The following GCNT2 variants were observed in gnomAD, a reference collection of about 807,000 sequenced individuals.
GCNT2 encodes the protein N-acetyllactosaminide beta-1,6-N-acetylglucosaminyl-transferase.
GCNT2 carries 34 observed loss-of-function variants against 34.2 expected under a neutral mutation model. That is an observed-to-expected ratio of 1.00 (90% confidence interval 0.76 to 1.32). The LOEUF (loss-of-function observed/expected upper bound fraction) is 1.32, where lower values mean the gene tolerates loss of function less well. GCNT2 is among the 40% of genes most tolerant of loss of function. The pLI, the probability that GCNT2 is intolerant of heterozygous loss-of-function variation, is 0.00. For missense variants in GCNT2, 584 were observed against 489.4 expected (o/e 1.19, Z -1.82); for synonymous variants, 212 against 188.0 (o/e 1.13, Z -1.04).
chr6:10,625,546 G>C lies in GCNT2; in HGVS notation c.1019-871G>C, dbSNP rs145752497. ...AAAAAAAAAAAATTTCAATATTGAC[G>C]TGTTACATCACTGAGGTTTATCACA... is the stretch of plus-strand genomic sequence containing the variant. On this transcript the variant is annotated intron_variant, in intron 4 of 4. Coordinates refer to ENST00000495262, the MANE Select transcript of GCNT2 (RefSeq NM_145649.5). Among the ~76,000 whole-genome samples, 45 of 151,984 alleles carry C rather than the reference G, an allele frequency of 3.0e-4. No homozygotes were observed. In the East Asian group the frequency reaches 8.5e-3, roughly 29 times the overall value.
chr6:10,586,915 G>T (rs1764378597), intron 3 of GCNT2: 1 of 1,605,296 alleles, frequency 6.2e-7, no homozygotes, highest in Non-Finnish European at 8.5e-7. Context: ...AGGGTTTCAG[G>T]TAGGTACTAA....
At chr6:10,616,371 G>A (rs1405685046) in intron 3 of GCNT2, among the ~76,000 whole-genome samples, 1 of 152,188 alleles carries the variant, frequency 6.6e-6, no homozygotes, top group Non-Finnish European at 1.5e-5. Flanking sequence ...CACTTCCACA[G>A]TGTGGAAAGC....
Position 10,541,826 on chromosome 6 carries a change from GTTGGTC to G in GCNT2, c.925+11994_925+11999del, listed in dbSNP as rs1325877882. On this transcript the variant is annotated intron_variant, in intron 3 of 4. Transcript: ENST00000495262. ...TGGTTATCTTTGAGGACCCAGTTGA[GTTGGTC>G]TTGCTCCTAAATCATTGACAAGCCC... 3.3e-5 allele frequency among the ~76,000 whole-genome samples: 5 copies of G among 152,156 alleles called. No individual in the cohort carries two copies. The South Asian group carries it at 6.2e-4, about 19-fold the overall frequency.
intron 3 of GCNT2, among the ~76,000 whole-genome samples, chr6:10,539,025 G>T (rs1214953474): frequency 6.6e-6 from 1 of 152,042 alleles, no homozygotes; most frequent in Non-Finnish European, 1.5e-5. Flanking sequence ...CAATTAGAAT[G>T]CATTTAAGAT....
At chr6:10,624,719 G>A (rs1254175221) in intron 4 of GCNT2, among the ~76,000 whole-genome samples, 1 of 152,204 alleles carries the variant, frequency 6.6e-6, no homozygotes, top group Non-Finnish European at 1.5e-5. Flanking sequence ...TCTTAGAGCT[G>A]TGTGGACACC....
intron 1 of GCNT2, among the ~76,000 whole-genome samples, chr6:10,523,058 G>GT (rs1446882614): frequency 6.6e-6 from 1 of 152,202 alleles, no homozygotes; most frequent in African/African-American, 2.4e-5. Flanking sequence ...ACTCCGCCTA[G>GT]TAACTGAGCT....
chr6:10,544,511 A>AGAG (rs1762179109), intron 3 of GCNT2, among the ~76,000 whole-genome samples: 1 of 129,430 alleles, frequency 7.7e-6, no homozygotes. Context: ...AGGCTGAGGC[A>AGAG]GAGAATTGCT....
At chr6:10,594,523 C>T (rs1340770768) in intron 3 of GCNT2, among the ~76,000 whole-genome samples, 2 of 152,108 alleles carry the variant, frequency 1.3e-5, no homozygotes, top group African/African-American at 4.8e-5. Flanking sequence ...TGTACTCTGA[C>T]CTAAAACTCT....
intron 3 of GCNT2, chr6:10,557,859 T>G: frequency 6.5e-6 from 1 of 153,184 alleles, no homozygotes; most frequent in East Asian, 1.9e-4. Flanking sequence ...TTCCATGCTA[T>G]CACTTGGTGG....
chr6:10,584,168 C>T (rs1764240164), intron 3 of GCNT2, among the ~76,000 whole-genome samples: 1 of 151,866 alleles, frequency 6.6e-6, no homozygotes, highest in Non-Finnish European at 1.5e-5. Flanking sequence ...TGTGGTGGGG[C>T]TATAGGGTGA....
At chr6:10,578,445 CTT>C (rs1211582798) in intron 3 of GCNT2, among the ~76,000 whole-genome samples, 2 of 103,946 alleles carry the variant, frequency 1.9e-5, no homozygotes, top group Admixed American at 1.0e-4. Flanking sequence ...AGCTTACATT[CTT>C]TTTTTTTTTT....
At chr6:10,531,063 C>T (rs1416891088) in intron 3 of GCNT2, among the ~76,000 whole-genome samples, 1 of 147,030 alleles carries the variant, frequency 6.8e-6, no homozygotes, top group African/African-American at 2.5e-5. Context: ...AAAAAGATTT[C>T]TAGACTAGTA....
At chr6:10,585,451 G>A (rs1764302230) in intron 3 of GCNT2, among the ~76,000 whole-genome samples, 1 of 152,142 alleles carries the variant, frequency 6.6e-6, no homozygotes, top group South Asian at 2.1e-4. Context: ...CAGAGGAGCC[G>A]ATATCCTTAA....
chr6:10,526,050 T>C (rs1761167716), intron 1 of GCNT2, among the ~76,000 whole-genome samples: 1 of 152,246 alleles, frequency 6.6e-6, no homozygotes, highest in African/African-American at 2.4e-5. Flanking sequence ...GTATTTCATT[T>C]GATATGGACA....
chr6:10,620,365 T>C (rs1490343089), intron 3 of GCNT2, among the ~76,000 whole-genome samples: 1 of 152,136 alleles, frequency 6.6e-6, no homozygotes, highest in Non-Finnish European at 1.5e-5. Context: ...TCTCTTTTAG[T>C]TGCATTTATG....
intron 3 of GCNT2, among the ~76,000 whole-genome samples, chr6:10,531,406 G>A (rs1419138263): frequency 3.3e-5 from 5 of 152,196 alleles, no homozygotes; most frequent in Non-Finnish European, 5.9e-5. Flanking sequence ...TTGGATTGCT[G>A]GTTCAACCCT....
At chr6:10,547,570 T>A (rs1235905395) in intron 3 of GCNT2, among the ~76,000 whole-genome samples, 3 of 152,248 alleles carry the variant, frequency 2.0e-5, no homozygotes, top group Admixed American at 1.3e-4. Flanking sequence ...TGATGATGAC[T>A]TTTTATCACT....
intron 3 of GCNT2, among the ~76,000 whole-genome samples, chr6:10,563,773 AAAAAATATATATATATAT>A (rs1242608316): frequency 1.5e-4 from 6 of 41,200 alleles, no homozygotes; most frequent in African/African-American, 5.4e-4. Context: ...AAAAAAAAAA[AAAAAATATATATATATAT>A]ATATATATAT....
chr6:10,624,820 C>T (rs1185212455), intron 4 of GCNT2, among the ~76,000 whole-genome samples: 3 of 151,822 alleles, frequency 2.0e-5, no homozygotes, highest in African/African-American at 7.3e-5. Flanking sequence ...TCTGTGGGCC[C>T]CCTCTCTCAG....
Sources: allele counts gnomAD v4.1 joint callset (sites outside exome capture counted in the v4.1 genomes callset), GRCh38; gene constraint gnomAD v4.1.1; transcripts MANE v1.5; gene names NCBI Gene and HGNC (gene_info 2026-07-23, HGNC 2026-07-21).